CLPTM1L: variants seen among roughly 807,000 people sequenced by gnomAD.
CLPTM1L encodes lipid scramblase CLPTM1L.
CLPTM1L carries 38 observed loss-of-function variants against 70.9 expected under a neutral mutation model. The ratio of observed to expected loss-of-function variants is 0.54; its 90% confidence interval spans 0.41 to 0.70. CLPTM1L has a LOEUF of 0.70. Among genes scored for constraint, CLPTM1L ranks in the 30% least tolerant of loss-of-function variants. The pLI is 0.00. For missense variants in CLPTM1L, 652 were observed against 705.9 expected (o/e 0.92, Z 0.87); for synonymous variants, 339 against 299.9 (o/e 1.13, Z -1.35).
At chr5:1,327,862 C>CACATTCCATCCAGCTCCTCCTCTACAGGG (rs1752732046) in intron 9 of CLPTM1L, among the ~76,000 whole-genome samples, 3 of 132,804 alleles carry the variant, frequency 2.3e-5, no homozygotes, top group Non-Finnish European at 3.3e-5. Flanking sequence ...CCTCTACAGA[C>CACATTCCATCCAGCTCCTCCTCTACAGGG]ACATTTCATC....
chr5:1,334,423 T>G, intron 6 of CLPTM1L, 40 bp from the exon 7 acceptor site: 1 of 1,356,054 alleles, frequency 7.4e-7, no homozygotes, highest in Non-Finnish European at 1.1e-6. Context: ...AAACAGGCAA[T>G]GTCAATCTTA....
intron 5 of CLPTM1L, among the ~76,000 whole-genome samples, chr5:1,337,440 C>T: frequency 6.6e-6 from 1 of 152,250 alleles, no homozygotes. Context: ...AGGGGCCACC[C>T]CGGGGGCTCC....
At chr5:1,333,966 C>T (rs115871045) in intron 7 of CLPTM1L, among the ~76,000 whole-genome samples, 1 of 152,094 alleles carries the variant, frequency 6.6e-6, no homozygotes, top group Non-Finnish European at 1.5e-5. Context: ...GATGCCTGCA[C>T]CTATTCATCT....
rs1475966924 is a variant in CLPTM1L, at chr5:1,344,489, G to A, written c.163-38C>T. The A allele has an allele frequency of 5.1e-6, 8 of 1,573,470 alleles. No individual in the cohort carries two copies. The East Asian group carries it at 1.3e-4, about 26-fold the overall frequency. On this transcript the variant is annotated intron_variant, in intron 1 of 16. Coordinates refer to ENST00000320895, the MANE Select transcript of CLPTM1L (RefSeq NM_030782.5). ...GGGCGTCGAGAGTCAGCTCGGCCAG[G>A]CCCTGGCAGGACGCACTCAAATCCC...
At position 1,341,767 on chromosome 5, in the gene CLPTM1L, G is replaced by T; in HGVS notation, c.357C>A (p.His119Gln). ...TGACCAGGTGCACCTGCTTCCCGTCGTGCCACGGCAGGACCCCAGCGTGAT... is the reference window on the plus strand; with the variant it reads ...TGACCAGGTGCACCTGCTTCCCGTCTTGCCACGGCAGGACCCCAGCGTGAT... ...FLHHAGVLPW[H>Q]DGKQVHLVSP... Residue 119 changes from histidine to glutamine, a missense_variant, in exon 3 of 17, where the codon CAC (histidine) becomes CAA (glutamine). Physicochemically the swap from His to Gln is conservative, Grantham distance 24. This residue lies in a region of CLPTM1L where 402 missense variants were observed against 388.2 expected (regional missense o/e 1.04). Transcript: ENST00000320895. 1.2e-6 allele frequency: 2 copies of T among 1,614,046 alleles called. No individual in the cohort carries two copies. The highest frequency in any genetic ancestry group is 8.5e-7 in the Non-Finnish European group (1 of 1,179,966).
At chr5:1,338,619 G>A (rs1397727375) in intron 4 of CLPTM1L, among the ~76,000 whole-genome samples, 1 of 152,238 alleles carries the variant, frequency 6.6e-6, no homozygotes, top group Non-Finnish European at 1.5e-5. Flanking sequence ...CTCCATGGAA[G>A]CCTTCGCCAG....
At chr5:1,333,694 C>T (rs1245663404) in intron 7 of CLPTM1L, among the ~76,000 whole-genome samples, 68 of 97,386 alleles carry the variant, frequency 7.0e-4, no homozygotes, top group Middle Eastern at 0.014. Flanking sequence ...TGTAGACACA[C>T]CGCAAGAGGA....
chr5:1,322,213 G>A (rs1430426141), intron 13 of CLPTM1L, among the ~76,000 whole-genome samples: 4 of 152,178 alleles, frequency 2.6e-5, no homozygotes, highest in Non-Finnish European at 5.9e-5. Context: ...CACCTGCTCT[G>A]CACCAGACAG....
In CLPTM1L at chr5:1,334,401, AC is replaced by A. The variant is rs747348648; in HGVS notation, c.797-19del. On this transcript the variant is annotated intron_variant, in intron 6 of 16. Transcript: ENST00000320895. ...TGAAAACCCTGTCAAGGAAAAAAAA[AC>A]ATACAATATAAAACAGGCAATGTCA... 1.7e-5 allele frequency: 19 copies of A among 1,132,506 alleles called. No individual in the cohort carries two copies. Among genetic ancestry groups the A allele is most frequent in the African/African-American group, 1.6e-4 (11 of 67,122 alleles). The allele number at this position is 1,132,506 out of a possible 1,614,324, so 70.2% of individuals were successfully genotyped here. A position where few individuals can be genotyped will look rare whatever the true frequency, so the allele number is the denominator to read the frequency against.
rs1752732882 is a variant in CLPTM1L at position 1,327,867 on chromosome 5, T to TCCA, written c.1081-2052_1081-2051insTGG. Among the ~76,000 whole-genome samples, 4 of 139,292 alleles carry TCCA rather than the reference T, an allele frequency of 2.9e-5. 1 individual carries two copies. Among genetic ancestry groups the TCCA allele is most frequent in the Non-Finnish European group, 6.3e-5 (4 of 63,754 alleles). 91.4% of individuals were successfully genotyped at this position (139,292 alleles called of 152,430 possible). A position where few individuals can be genotyped will look rare whatever the true frequency, so the allele number is the denominator to read the frequency against. On this transcript the variant is annotated intron_variant, in intron 9 of 16. Coordinates refer to ENST00000320895, the MANE Select transcript of CLPTM1L (RefSeq NM_030782.5). Reference sequence around the variant, plus strand: ...TCCAGCTCCTCCTCTACAGACACATTTCATCCAGCTCCTCCTCTACAGGGA... The same window carrying TCCA: ...TCCAGCTCCTCCTCTACAGACACATTCCATCATCCAGCTCCTCCTCTACAGGGA...
At position 1,344,784 on chromosome 5, in the gene CLPTM1L, C is replaced by A; in HGVS notation, c.58G>T (p.Val20Leu). 2 of 1,605,462 alleles carry A rather than the reference C, an allele frequency of 1.2e-6. No homozygotes were observed. Among genetic ancestry groups the A allele is most frequent in the Non-Finnish European group, 1.7e-6 (2 of 1,176,910 alleles). ...TACATGACCCAGCAGGTGTGCACCA[C>A]GTAGACCACGAACACGCCCACCACC... ...SLVVGVFVVYVVHTCWVMYGI... is the reference protein window; with the variant it reads ...SLVVGVFVVYLVHTCWVMYGI... The change falls in exon 1 of 17, where the codon GTG becomes TTG. Residue 20 changes from valine to leucine, a missense_variant. By Grantham distance (32) the Val-to-Leu change is conservative (BLOSUM62 1). Around this residue, in one of 3 missense-constraint regions of CLPTM1L, gnomAD observed 402 missense variants for 388.2 expected, o/e 1.04. Coordinates refer to ENST00000320895, the MANE Select transcript of CLPTM1L (RefSeq NM_030782.5).
At position 1,331,860 on chromosome 5, in the gene CLPTM1L, A is replaced by C. The variant is rs749307820; in HGVS notation, c.915T>G (p.Phe305Leu). ...AFHLLFDFLA[F>L]KNDISFWKKK... The stretch of plus-strand genomic sequence containing the variant: ...TCTTCCAGAAACTGATGTCATTTTT[A>C]AAGGCCAGGAAATCAAAGAGAAGCT... The change falls in exon 8 of 17, where the codon TTT becomes TTG. Residue 305 changes from phenylalanine (F) to leucine (L), a missense_variant. Phe to Leu is a conservative substitution (Grantham distance 22, BLOSUM62 0). Coordinates refer to ENST00000320895, the MANE Select transcript of CLPTM1L (RefSeq NM_030782.5). The C allele has an allele frequency of 3.7e-6, 6 of 1,613,426 alleles. No homozygotes were observed. Among genetic ancestry groups the C allele is most frequent in the Non-Finnish European group, 5.1e-6 (6 of 1,179,956 alleles).
intron 10 of CLPTM1L, chr5:1,325,541 GA>G (rs1752471896): frequency 1.7e-6 from 1 of 575,732 alleles, no homozygotes; most frequent in African/African-American, 1.9e-5. Flanking sequence ...CGTCTGCACT[GA>G]AGACGGTCAG....
In CLPTM1L at chr5:1,318,768, G is replaced by A. The variant is rs116117095; in HGVS notation, c.1533-315C>T. 8.4e-3 allele frequency among the ~76,000 whole-genome samples: 1,285 copies of A among 152,286 alleles called. 18 individuals carry two copies. Among genetic ancestry groups the A allele is most frequent in the African/African-American group, 0.027 (1,140 of 41,562 alleles). On this transcript the variant is annotated intron_variant, in intron 16 of 16. Coordinates refer to ENST00000320895, the MANE Select transcript of CLPTM1L (RefSeq NM_030782.5). This position sits in a 1 kb window ranked among gnomAD's most constrained non-coding sequence, Gnocchi z 8.9. ...GCTGCACGGGCTGCCTTCTGGGAAC[G>A]GTGGCATCACGGAGACTCGAGTGAT...
In CLPTM1L at chr5:1,341,700, T is replaced by C; in HGVS notation, c.424A>G (p.Asn142Asp). The part of the protein sequence containing the change: ...TYMVPKPEEI[N>D]LLTGESDTQQ... ...GTATCAGACTCCCCGGTGAGCAGGT[T>C]GATTTCTTCTGGCTTGGGGACCATG... is the stretch of plus-strand genomic sequence containing the variant. The change falls in exon 3 of 17, where the codon AAC (asparagine) becomes GAC (aspartate). Residue 142 changes from asparagine (N) to aspartate (D), a missense_variant. Asn to Asp is a conservative substitution (Grantham distance 23). This residue lies in a region of CLPTM1L where 402 missense variants were observed against 388.2 expected (regional missense o/e 1.04). Transcript: ENST00000320895. 1.2e-6 allele frequency: 2 copies of C among 1,611,246 alleles called. No individual in the cohort carries two copies. Among genetic ancestry groups the C allele is most frequent in the African/African-American group, 1.3e-5 (1 of 74,986 alleles).
intron 9 of CLPTM1L, among the ~76,000 whole-genome samples, chr5:1,326,708 C>CCATCCAGCTCCTCCTCTACAGACACATTT (rs1752585229): frequency 1.5e-5 from 2 of 134,602 alleles, no homozygotes; most frequent in African/African-American, 5.4e-5. Flanking sequence ...CGGGGACATT[C>CCATCCAGCTCCTCCTCTACAGACACATTT]CATCCAGCTC....
In CLPTM1L at chr5:1,323,881, A is replaced by G; in HGVS notation, c.1198-12T>C. The stretch of plus-strand genomic sequence containing the variant: ...AAGTACTTCATGGCCTGCAGGGAAC[A>G]AAGATGGCTTCCAGTTAGAGGCCCA... On this transcript the variant is annotated splice_polypyrimidine_tract_variant and intron_variant, in intron 11 of 16. Transcript: ENST00000320895. 6.2e-7 allele frequency: 1 copy of G among 1,608,394 alleles called. No homozygotes were observed. Among genetic ancestry groups the G allele is most frequent in the Non-Finnish European group, 8.5e-7 (1 of 1,175,244 alleles).
Position 1,318,102 on chromosome 5 carries a change from C to T in CLPTM1L, c.*267G>A, listed in dbSNP as rs759084032. 15 of 494,190 alleles carry T rather than the reference C, an allele frequency of 3.0e-5. No homozygotes were observed. Among genetic ancestry groups the T allele is most frequent in the Non-Finnish European group, 4.6e-5 (13 of 280,984 alleles). The allele number at this position is 494,190 out of a possible 1,614,324, so 30.6% of individuals were successfully genotyped here. ...CCCGCGTGAGGACATGGCCGAACCCCGGACACTCGTGTGCCGGGAGCCACC... is the reference window on the plus strand; with the variant it reads ...CCCGCGTGAGGACATGGCCGAACCCTGGACACTCGTGTGCCGGGAGCCACC... On this transcript the variant is annotated 3_prime_UTR_variant, in exon 17 of 17. Coordinates refer to ENST00000320895, the MANE Select transcript of CLPTM1L (RefSeq NM_030782.5). This position sits in a 1 kb window ranked among gnomAD's most constrained non-coding sequence, Gnocchi z 8.9.
At chr5:1,326,699 G>T (rs1330781541) in intron 9 of CLPTM1L, among the ~76,000 whole-genome samples, 1 of 111,036 alleles carries the variant, frequency 9.0e-6, no homozygotes, top group Non-Finnish European at 1.9e-5. Context: ...CCTCCTCTAC[G>T]GGGACATTCC....
Sources: allele counts gnomAD v4.1 joint callset (sites outside exome capture counted in the v4.1 genomes callset), GRCh38; gene constraint gnomAD v4.1.1; regional missense constraint gnomAD v4.1.1; non-coding constraint Gnocchi (gnomAD v3.1); transcripts MANE v1.5; gene names NCBI Gene and HGNC (gene_info 2026-07-23, HGNC 2026-07-21).